The following ALDH1A1 variants were observed in gnomAD, a reference collection of about 807,000 sequenced individuals.
ALDH1A1 encodes the protein aldehyde dehydrogenase 1A1.
Under a neutral mutation model 62.1 loss-of-function variants are expected in ALDH1A1, and 19 were observed. The ratio of observed to expected loss-of-function variants is 0.31; its 90% confidence interval spans 0.21 to 0.45. The LOEUF (loss-of-function observed/expected upper bound fraction) is 0.45, where lower values mean the gene tolerates loss of function less well. Ranked by LOEUF, ALDH1A1 falls within the 20% of genes least tolerant of loss-of-function variation. The pLI, the probability that ALDH1A1 is intolerant of heterozygous loss-of-function variation, is 1.00. For missense variants in ALDH1A1, 521 were observed against 607.1 expected, an observed-to-expected ratio of 0.86 and a Z score of 1.49; for synonymous variants, 231 against 215.9, an observed-to-expected ratio of 1.07 and a Z score of -0.61.
In ALDH1A1 at chr9:72,911,949, G is replaced by A. The variant is rs375889705; in HGVS notation, c.1200+9C>T. The A allele has an allele frequency of 4.3e-6, 7 of 1,613,586 alleles. No individual in the cohort carries two copies. The highest frequency in any genetic ancestry group is 2.7e-5 in the African/African-American group (2 of 74,882). On this transcript the variant is annotated intron_variant, in intron 10 of 12. Coordinates refer to ENST00000297785, the MANE Select transcript of ALDH1A1 (RefSeq NM_000689.5). ...AACAAAAAGAACAGAACAGAATGAA[G>A]CCATTTACCTCCTCTTTGGCAATGC...
intron 10 of ALDH1A1, among the ~76,000 whole-genome samples, chr9:72,911,310 A>G (rs1829984130): frequency 6.6e-6 from 1 of 152,164 alleles, no homozygotes; most frequent in African/African-American, 2.4e-5. Context: ...GAAAGAGTCT[A>G]TAGGGCAAAG....
At chr9:72,929,817 T>C (rs949721687) in intron 3 of ALDH1A1, among the ~76,000 whole-genome samples, 4 of 152,240 alleles carry the variant, frequency 2.6e-5, no homozygotes, top group African/African-American at 9.6e-5. Context: ...GTGACTTTTG[T>C]ATGCCTGTAC....
chr9:72,928,858 T>A (rs1287742669), intron 4 of ALDH1A1, 34 bp downstream of exon 4: 1 of 1,609,312 alleles, frequency 6.2e-7, no homozygotes, highest in Admixed American at 1.7e-5. Context: ...CTCGCTCCTA[T>A]CCTCACCATT....
At chr9:72,920,347 C>T (rs1830125189) in intron 7 of ALDH1A1, among the ~76,000 whole-genome samples, 1 of 152,144 alleles carries the variant, frequency 6.6e-6, no homozygotes, top group Admixed American at 6.5e-5. Context: ...TCTTATATGC[C>T]ATTCTATAAC....
At chr9:72,908,245 C>A (rs1277572285) in intron 11 of ALDH1A1, among the ~76,000 whole-genome samples, 3 of 151,314 alleles carry the variant, frequency 2.0e-5, no homozygotes. Flanking sequence ...CATGGTGAAA[C>A]CCTGTCTCTA....
chr9:72,942,635 C>T (rs780068575), intron 1 of ALDH1A1, among the ~76,000 whole-genome samples: 1 of 152,138 alleles, frequency 6.6e-6, no homozygotes, highest in Non-Finnish European at 1.5e-5. Flanking sequence ...AGGTGGTTCA[C>T]GATCTTGCTC....
rs567999622 is a variant in ALDH1A1, at chr9:72,930,864, T to C, written c.312+15A>G. 1.9e-6 allele frequency: 3 copies of C among 1,613,702 alleles called. No individual in the cohort carries two copies. The African/African-American group carries it at 4.0e-5, about 22-fold the overall frequency. On this transcript the variant is annotated intron_variant, in intron 3 of 12. Coordinates refer to ENST00000297785, the MANE Select transcript of ALDH1A1 (RefSeq NM_000689.5). ...TGAGAGCTCTAGCTACCCATCCAGC[T>C]TGGATAATACTCACCGCCAGCAGCA...
At chr9:72,943,386 G>A (rs1333759138) in intron 1 of ALDH1A1, among the ~76,000 whole-genome samples, 1 of 152,066 alleles carries the variant, frequency 6.6e-6, no homozygotes. Flanking sequence ...ATTACAGTAT[G>A]TATGTACCAT....
intron 1 of ALDH1A1, among the ~76,000 whole-genome samples, chr9:72,943,887 G>A (rs1830444581): frequency 2.0e-5 from 3 of 151,936 alleles, no homozygotes; most frequent in African/African-American, 7.3e-5. Context: ...AATAAATGGT[G>A]TAGAGGGGCA....
chr9:72,901,328 A>G, intron 12 of ALDH1A1, 48 bp from the exon 13 acceptor site: 3 of 1,277,824 alleles, frequency 2.3e-6, no homozygotes, highest in East Asian at 2.3e-5. Context: ...GCACAGCAGT[A>G]TAAATATACT....
intron 2 of ALDH1A1, among the ~76,000 whole-genome samples, chr9:72,937,286 G>A (rs1455327813): frequency 2.0e-5 from 3 of 152,140 alleles, no homozygotes; most frequent in Admixed American, 2.0e-4. Context: ...GAGATGCAGT[G>A]TTGATCTCTG....
chr9:72,937,324 A>G (rs1830358105), intron 2 of ALDH1A1, among the ~76,000 whole-genome samples: 1 of 152,204 alleles, frequency 6.6e-6, no homozygotes, highest in Non-Finnish European at 1.5e-5. Flanking sequence ...CAGACAAATT[A>G]ACCTATAGCT....
chr9:72,950,243 C>G (rs1830528597), intron 1 of ALDH1A1, among the ~76,000 whole-genome samples: 1 of 151,862 alleles, frequency 6.6e-6, no homozygotes, highest in Admixed American at 6.6e-5. Context: ...CCTTTATCAT[C>G]CCCATTTTAA....
chr9:72,927,033 T>A, intron 5 of ALDH1A1, 83 bp downstream of exon 5: 1 of 974,718 alleles, frequency 1.0e-6, no homozygotes, highest in Non-Finnish European at 1.5e-6. Context: ...TAAGCATCCA[T>A]CTGTTTTAGA....
At chr9:72,904,224 C>T (rs1219162952) in intron 12 of ALDH1A1, among the ~76,000 whole-genome samples, 3 of 152,064 alleles carry the variant, frequency 2.0e-5, no homozygotes, top group Non-Finnish European at 4.4e-5. Flanking sequence ...GTAATGTTTT[C>T]TCAGCTACGC....
chr9:72,942,992 A>G (rs891254925), intron 1 of ALDH1A1, among the ~76,000 whole-genome samples: 1 of 152,120 alleles, frequency 6.6e-6, no homozygotes, highest in African/African-American at 2.4e-5. Context: ...AAAACTAAAG[A>G]TATTGCGATA....
chr9:72,911,922 G>A (rs1429646022), intron 10 of ALDH1A1, 36 bp downstream of exon 10: 2 of 1,610,606 alleles, frequency 1.2e-6, no homozygotes, highest in South Asian at 1.1e-5. Flanking sequence ...ACAAAACATG[G>A]CAACAAAAAG....
At chr9:72,931,076 A>G (rs1460577654) in intron 2 of ALDH1A1, 57 bp from the exon 3 acceptor site, 1 of 1,600,946 alleles carries the variant, frequency 6.2e-7, no homozygotes, top group African/African-American at 1.3e-5. Context: ...AAGCAAATTT[A>G]ATGCCAATAA....
intron 11 of ALDH1A1, among the ~76,000 whole-genome samples, chr9:72,906,527 A>G (rs1476853919): frequency 6.6e-6 from 1 of 152,174 alleles, no homozygotes; most frequent in Non-Finnish European, 1.5e-5. Context: ...TAAATTGCTT[A>G]AACAGAGGCC....
Sources: gnomAD v4.1 joint callset for allele counts (sites outside exome capture counted in the v4.1 genomes callset) on GRCh38, gnomAD v4.1.1 for gene constraint, MANE v1.5 for transcripts, NCBI Gene and HGNC (gene_info 2026-07-23, HGNC 2026-07-21) for gene names.